Variants in EFHC2 observed in about 807,000 individuals in gnomAD.
EFHC2 encodes the protein EF-hand domain containing 2, also known as EF-hand domain-containing family member C2.
Under a neutral mutation model 52.7 loss-of-function variants are expected in EFHC2, and 18 were observed. The ratio of observed to expected loss-of-function variants is 0.34; its 90% CI spans 0.24 to 0.51. The LOEUF (loss-of-function observed/expected upper bound fraction) is 0.51, where lower values mean the gene tolerates loss of function less well. Among genes scored for constraint, EFHC2 ranks in the 20% least tolerant of loss-of-function variants. The pLI is 0.97. For missense variants in EFHC2, 513 were observed against 562.5 expected, an observed-to-expected ratio of 0.91 and a Z score of 0.89; for synonymous variants, 203 against 204.1, an observed-to-expected ratio of 0.99 and a Z score of 0.04.
chrX:44,261,400 A>G, intron 3 of EFHC2, 102 bp from the exon 4 acceptor site: 1 of 722,977 alleles, frequency 1.4e-6, no homozygotes. Context: ...GCAACAGAAA[A>G]CTGGGCAAAG....
chrX:44,207,809 A>G (rs1459087640), intron 11 of EFHC2, among the ~76,000 whole-genome samples: 1 of 112,210 alleles, frequency 8.9e-6, no homozygotes, highest in Non-Finnish European at 1.9e-5. Flanking sequence ...CAACAACAAC[A>G]ACAACAACAT....
chrX:44,262,353 A>G (rs768028899), intron 3 of EFHC2, among the ~76,000 whole-genome samples: 1 of 106,299 alleles, frequency 9.4e-6, no homozygotes, highest in African/African-American at 3.5e-5. Flanking sequence ...AAAATTAATT[A>G]AAAAAAAATT....
chrX:44,265,258 C>A (rs1406418004), intron 3 of EFHC2, among the ~76,000 whole-genome samples: 1 of 111,476 alleles, frequency 9.0e-6, no homozygotes, highest in East Asian at 2.8e-4. Context: ...ACTCTCACCT[C>A]TATTTTATTT....
At chrX:44,243,361 A>G (rs2037374689) in intron 7 of EFHC2, among the ~76,000 whole-genome samples, 1 of 112,462 alleles carries the variant, frequency 8.9e-6, no homozygotes. Flanking sequence ...GTTCTACATA[A>G]GCAAATATTT....
chrX:44,164,199 T>C (rs2036678692), intron 13 of EFHC2, among the ~76,000 whole-genome samples, 172 bp from the exon 14 acceptor site: 1 of 112,236 alleles, frequency 8.9e-6, no homozygotes, highest in South Asian at 3.7e-4. Flanking sequence ...GTAAATTCTT[T>C]GAGCGGGGAT....
intron 14 of EFHC2, among the ~76,000 whole-genome samples, chrX:44,160,741 G>A (rs964420810): frequency 9.0e-5 from 10 of 110,821 alleles, no homozygotes; most frequent in African/African-American, 3.3e-4. Flanking sequence ...CCAACATGGT[G>A]AAAACCTGTC....
chrX:44,266,209 T>C (rs192743584), intron 3 of EFHC2, among the ~76,000 whole-genome samples: 192 of 111,864 alleles, frequency 1.7e-3, no homozygotes, highest in East Asian at 7.3e-3. Flanking sequence ...CTAGTGGATA[T>C]TGGCTTTTCC....
chrX:44,277,420 G>C (rs920084348), intron 2 of EFHC2, among the ~76,000 whole-genome samples: 1 of 111,530 alleles, frequency 9.0e-6, no homozygotes, highest in African/African-American at 3.3e-5. Flanking sequence ...TTATGAAAAA[G>C]GTTCAGACTT....
chrX:44,229,471 A>G (rs2037258360), intron 11 of EFHC2, among the ~76,000 whole-genome samples, 178 bp downstream of exon 11: 1 of 112,131 alleles, frequency 8.9e-6, no homozygotes, highest in South Asian at 3.7e-4. Context: ...TTTATATGTA[A>G]ATTCGTAACA....
intron 1 of EFHC2, among the ~76,000 whole-genome samples, chrX:44,326,404 A>G (rs1177335996): frequency 9.0e-6 from 1 of 111,450 alleles, no homozygotes; most frequent in Non-Finnish European, 1.9e-5. Flanking sequence ...TTCTCAACAC[A>G]AAGAAATGAT....
intron 4 of EFHC2, among the ~76,000 whole-genome samples, chrX:44,256,752 T>C (rs1265978579): frequency 1.8e-5 from 2 of 110,429 alleles, no homozygotes; most frequent in Admixed American, 9.6e-5. Context: ...TTCCAAACAA[T>C]AGAAAAAGAG....
chrX:44,268,272 T>C (rs1167792909), intron 3 of EFHC2, among the ~76,000 whole-genome samples: 1 of 111,440 alleles, frequency 9.0e-6, no homozygotes, highest in Non-Finnish European at 1.9e-5. Context: ...TCATTATGAC[T>C]ATCTTCAGCT....
At chrX:44,310,529 G>A (rs1328211641) in intron 2 of EFHC2, 22 of 385,023 alleles carry the variant, frequency 5.7e-5, no homozygotes, top group Middle Eastern at 7.2e-4. Flanking sequence ...GGCTGGGATG[G>A]GGTGCACTGA....
intron 3 of EFHC2, 57 bp downstream of exon 3, chrX:44,272,629 G>A (rs774791498): frequency 8.2e-5 from 91 of 1,111,237 alleles, no homozygotes; most frequent in Non-Finnish European, 6.6e-5. Flanking sequence ...AAGGCAGGCA[G>A]TATATAAAGG....
At chrX:44,279,687 G>C (rs2037687136) in intron 2 of EFHC2, among the ~76,000 whole-genome samples, 1 of 110,363 alleles carries the variant, frequency 9.1e-6, no homozygotes, top group Admixed American at 9.7e-5. Flanking sequence ...AAAACACAAT[G>C]AATAAGCTAA....
chrX:44,309,422 T>A, intron 2 of EFHC2: 1 of 1,034,771 alleles, frequency 9.7e-7, no homozygotes, highest in African/African-American at 1.8e-5. Context: ...TTCAGTGAAA[T>A]ATTCTCCGTA....
intron 4 of EFHC2, among the ~76,000 whole-genome samples, chrX:44,252,344 A>G (rs183372074): frequency 1.8e-5 from 2 of 112,141 alleles, no homozygotes; most frequent in Admixed American, 9.4e-5. Flanking sequence ...ATCAGGTTAT[A>G]CAATCTTTTT....
At chrX:44,342,698 G>A (rs2038158154) in intron 1 of EFHC2, among the ~76,000 whole-genome samples, 1 of 109,674 alleles carries the variant, frequency 9.1e-6, no homozygotes, top group Non-Finnish European at 1.9e-5. Flanking sequence ...CCAACATGGT[G>A]AAACCCCATC....
At chrX:44,199,639 A>C (rs1237115177) in intron 11 of EFHC2, among the ~76,000 whole-genome samples, 1 of 112,037 alleles carries the variant, frequency 8.9e-6, no homozygotes, top group Non-Finnish European at 1.9e-5. Flanking sequence ...GGTATTTATT[A>C]AATGCAAAAG....
Sources: allele counts gnomAD v4.1 joint callset (sites outside exome capture counted in the v4.1 genomes callset), GRCh38; gene constraint gnomAD v4.1.1; transcripts MANE v1.5; gene names NCBI Gene and HGNC (gene_info 2026-07-23, HGNC 2026-07-21).